Variants in CDH9 observed in about 807,000 individuals in gnomAD.
CDH9 encodes cadherin 9.
In CDH9, 28 loss-of-function variants were observed where a neutral mutation model predicts 70.9. The ratio of observed to expected loss-of-function variants is 0.40; its 90% CI spans 0.29 to 0.54. CDH9 has a LOEUF of 0.54. Ranked by LOEUF, CDH9 falls within the 20% of genes least tolerant of loss-of-function variation. The pLI is 0.59. For synonymous variants in CDH9, 409 were observed against 343.1 expected, an observed-to-expected ratio of 1.19 and a Z score of -2.12; for missense variants, 874 against 984.4, an observed-to-expected ratio of 0.89 and a Z score of 1.50.
chr5:26,932,094 A>G (rs952724580), intron 2 of CDH9, among the ~76,000 whole-genome samples: 2 of 151,432 alleles, frequency 1.3e-5, no homozygotes, highest in Admixed American at 6.6e-5. Context: ...GTGATTATTT[A>G]GAAGTGTTAT....
chr5:26,960,484 A>C (rs2112059573), intron 2 of CDH9, among the ~76,000 whole-genome samples: 1 of 152,130 alleles, frequency 6.6e-6, no homozygotes, highest in Admixed American at 6.5e-5. Flanking sequence ...CTTTGAAAAT[A>C]AAAATCTCTG....
At chr5:26,985,445 G>T (rs1217092810) in intron 2 of CDH9, among the ~76,000 whole-genome samples, 1 of 152,032 alleles carries the variant, frequency 6.6e-6, no homozygotes, top group Non-Finnish European at 1.5e-5. Context: ...CTTATAAGTT[G>T]CATGTTTGTG....
intron 2 of CDH9, among the ~76,000 whole-genome samples, chr5:26,921,980 A>G (rs1741251784): frequency 6.6e-6 from 1 of 151,954 alleles, no homozygotes; most frequent in African/African-American, 2.4e-5. Context: ...AAACAGAAGA[A>G]ACAATTAGCT....
At chr5:27,000,418 G>A (rs1742744073) in intron 1 of CDH9, among the ~76,000 whole-genome samples, 1 of 152,088 alleles carries the variant, frequency 6.6e-6, no homozygotes, top group African/African-American at 2.4e-5. Context: ...TGATGAGAAT[G>A]CAAAATGATA....
chr5:26,985,702 C>T (rs1311736987), intron 2 of CDH9, among the ~76,000 whole-genome samples: 3 of 152,066 alleles, frequency 2.0e-5, no homozygotes, highest in Non-Finnish European at 4.4e-5. Context: ...CTTTCCCAAT[C>T]CTGGTCCGTG....
intron 1 of CDH9, among the ~76,000 whole-genome samples, chr5:26,994,101 T>G (rs1409864296): frequency 1.3e-5 from 2 of 152,202 alleles, no homozygotes; most frequent in African/African-American, 4.8e-5. Context: ...CATTATTGTA[T>G]TTTGAGAGCA....
At chr5:27,015,586 T>A (rs1005311364) in intron 1 of CDH9, among the ~76,000 whole-genome samples, 2 of 151,782 alleles carry the variant, frequency 1.3e-5, no homozygotes, top group African/African-American at 2.4e-5. Context: ...TATCCTCAAA[T>A]GTTTTCCTCT....
At chr5:26,927,943 G>C (rs1210999654) in intron 2 of CDH9, among the ~76,000 whole-genome samples, 1 of 152,028 alleles carries the variant, frequency 6.6e-6, no homozygotes, top group East Asian at 1.9e-4. Flanking sequence ...CCTCAAGTTA[G>C]TGGCTGTCAT....
intron 2 of CDH9, among the ~76,000 whole-genome samples, chr5:26,935,739 C>A (rs907422629): frequency 6.6e-6 from 1 of 152,112 alleles, no homozygotes; most frequent in Non-Finnish European, 1.5e-5. Flanking sequence ...TTGGATCCAG[C>A]AATCCCACTA....
chr5:26,982,697 T>C (rs1388224845), intron 2 of CDH9, among the ~76,000 whole-genome samples: 7 of 152,038 alleles, frequency 4.6e-5, no homozygotes, highest in Non-Finnish European at 1.5e-5. Flanking sequence ...TTTGTTTTTT[T>C]GTTTTTTTTG....
intron 1 of CDH9, among the ~76,000 whole-genome samples, chr5:26,993,102 CA>C (rs34636129): frequency 0.05 from 5,211 of 104,336 alleles, 71 homozygotes; most frequent in African/African-American, 0.066. Flanking sequence ...ACTCCGTCTC[CA>C]AAAAAAAAAA....
In CDH9 at chr5:26,915,740, T is replaced by C; in HGVS notation, c.413A>G (p.Gln138Arg). The C allele has an allele frequency of 1.2e-6, 2 of 1,613,636 alleles. No individual in the cohort carries two copies. The highest frequency in any genetic ancestry group is 1.7e-6 in the Non-Finnish European group (2 of 1,179,582). ...AKAIDRKTGR[Q>R]VEPESEFIIK... ...GATAAATTCCGATTCCGGTTCCACC[T>C]GCCGCCCAGTTTTTCTGTCTATAGC... The change falls in exon 3 of 12, where the codon CAG becomes CGG. Residue 138 changes from glutamine to arginine, a missense_variant. Coordinates refer to ENST00000231021, the MANE Select transcript of CDH9 (RefSeq NM_016279.4).
At chr5:26,997,955 C>T (rs1270185008) in intron 1 of CDH9, among the ~76,000 whole-genome samples, 1 of 152,126 alleles carries the variant, frequency 6.6e-6, no homozygotes, top group Non-Finnish European at 1.5e-5. Context: ...TCCTCGGCCT[C>T]CCAAAGTGCT....
intron 2 of CDH9, among the ~76,000 whole-genome samples, chr5:26,941,222 G>C (rs923997897): frequency 6.6e-6 from 1 of 152,186 alleles, no homozygotes; most frequent in African/African-American, 2.4e-5. Context: ...ACCTGATTCT[G>C]GGAACATATT....
At chr5:27,028,459 A>G (rs1386513025) in intron 1 of CDH9, 1 of 151,948 alleles carries the variant, frequency 6.6e-6, no homozygotes, top group African/African-American at 2.4e-5. Flanking sequence ...ATAGGGCTTG[A>G]TATAGTCTTT....
intron 2 of CDH9, among the ~76,000 whole-genome samples, chr5:26,951,591 G>A (rs1348565678): frequency 1.3e-5 from 2 of 152,076 alleles, no homozygotes; most frequent in Admixed American, 6.6e-5. Flanking sequence ...ATCTTACTTG[G>A]GGACCTGTTC....
chr5:26,907,808 T>C (rs1579676321), intron 3 of CDH9, among the ~76,000 whole-genome samples: 1 of 152,100 alleles, frequency 6.6e-6, no homozygotes, highest in Admixed American at 6.6e-5. Flanking sequence ...ACATAATTTC[T>C]AAAAGTTTGA....
intron 1 of CDH9, among the ~76,000 whole-genome samples, chr5:27,022,337 CTTT>C (rs1339410695): frequency 6.6e-6 from 1 of 151,762 alleles, no homozygotes; most frequent in African/African-American, 2.4e-5. Context: ...CAACATTTAC[CTTT>C]AAAATTGTCA....
chr5:26,892,941 G>A (rs1273479972), intron 7 of CDH9, among the ~76,000 whole-genome samples: 1 of 151,954 alleles, frequency 6.6e-6, no homozygotes, highest in African/African-American at 2.4e-5. Context: ...CACCGTGTTA[G>A]CCAGGATGGT....
Sources: allele counts gnomAD v4.1 joint callset (sites outside exome capture counted in the v4.1 genomes callset), GRCh38; gene constraint gnomAD v4.1.1; transcripts MANE v1.5; gene names NCBI Gene and HGNC (gene_info 2026-07-23, HGNC 2026-07-21).